The following PAN3 variants were observed in gnomAD, a reference collection of about 807,000 sequenced individuals.
PAN3 encodes the protein poly(A) specific ribonuclease subunit PAN3.
A neutral mutation model predicts 96.2 loss-of-function variants in PAN3; 19 were observed. The observed-to-expected ratio is 0.20, with a 90% CI of 0.14 to 0.29. The LOEUF is 0.29. PAN3 is among the 10% of genes least tolerant of loss of function. The pLI, the probability that PAN3 is intolerant of heterozygous loss-of-function variation, is 1.00. For synonymous variants in PAN3, 433 were observed against 406.6 expected, an observed-to-expected ratio of 1.06 and a Z score of -0.78; for missense variants, 882 against 1,108.1, an observed-to-expected ratio of 0.80 and a Z score of 2.90.
At chr13:28,270,920 C>T in intron 13 of PAN3, 54 bp downstream of exon 13, 1 of 1,487,556 alleles carries the variant, frequency 6.7e-7, no homozygotes, top group African/African-American at 1.4e-5. Context: ...CCTTTGACAG[C>T]TTAGTAAACA....
At chr13:28,263,334 A>T (rs555492921) in intron 9 of PAN3, among the ~76,000 whole-genome samples, 2 of 152,318 alleles carry the variant, frequency 1.3e-5, no homozygotes, top group South Asian at 4.1e-4. Flanking sequence ...TTTTTTAATT[A>T]AAAAAATAAA....
intron 8 of PAN3, 49 bp from the exon 9 acceptor site, chr13:28,261,352 G>C: frequency 7.5e-7 from 1 of 1,341,182 alleles, no homozygotes; most frequent in Non-Finnish European, 1.0e-6. Context: ...AGGAATTCCA[G>C]GTTTCAGAAT....
Position 28,293,722 on chromosome 13 carries a change from G to C in PAN3, c.*1200G>C, listed in dbSNP as rs1870040628. On this transcript the variant is annotated 3_prime_UTR_variant, in exon 19 of 19. Coordinates refer to ENST00000380958, the MANE Select transcript of PAN3 (RefSeq NM_175854.8). The stretch of plus-strand genomic sequence containing the variant: ...CTCCTCTTAACTTTCTTAATATTTG[G>C]ACATGCAGTTGTCGCCAAACTTGGG... The C allele has an allele frequency of 6.6e-6, 1 of 152,440 alleles. No homozygotes were observed. The allele number at this position is 152,440 out of a possible 1,614,324, so 9.4% of individuals were successfully genotyped here.
In PAN3 at chr13:28,154,068, G is replaced by A. The variant is rs760376055; in HGVS notation, c.430+14981G>A. Among the ~76,000 whole-genome samples, 54 of 152,060 alleles carry A rather than the reference G, an allele frequency of 3.6e-4. 1 individual carries two copies. The highest frequency in any genetic ancestry group is 5.9e-4 in the Non-Finnish European group (40 of 68,018). Reference sequence around the variant, plus strand: ...ACTGCTTTATTGGAGGATATTTTTCGGTGAGTATTCAGATTGATGATACTA... The same window carrying A: ...ACTGCTTTATTGGAGGATATTTTTCAGTGAGTATTCAGATTGATGATACTA... On this transcript the variant is annotated intron_variant, in intron 1 of 18. Coordinates refer to ENST00000380958, the MANE Select transcript of PAN3 (RefSeq NM_175854.8).
chr13:28,229,453 A>G (rs1057477618), intron 6 of PAN3, among the ~76,000 whole-genome samples: 1 of 152,210 alleles, frequency 6.6e-6, no homozygotes, highest in Admixed American at 6.5e-5. Context: ...CTCTTGTTCA[A>G]CTATATGTGC....
intron 1 of PAN3, among the ~76,000 whole-genome samples, chr13:28,146,691 A>G (rs766702761): frequency 4.6e-5 from 7 of 152,176 alleles, no homozygotes; most frequent in Admixed American, 2.0e-4. Context: ...TAAAACATTT[A>G]AACAGGCCAG....
intron 6 of PAN3, among the ~76,000 whole-genome samples, chr13:28,254,211 A>T (rs950451011): frequency 1.3e-5 from 2 of 152,122 alleles, no homozygotes; most frequent in Non-Finnish European, 2.9e-5. Flanking sequence ...AATTAAATCA[A>T]CCTGAGTTTG....
At chr13:28,270,669 GA>G in intron 12 of PAN3, 31 bp from the exon 13 acceptor site, 1 of 1,596,396 alleles carries the variant, frequency 6.3e-7, no homozygotes, top group Non-Finnish European at 8.5e-7. Context: ...GATTACTTAA[GA>G]TGTCATTTTT....
intron 5 of PAN3, among the ~76,000 whole-genome samples, chr13:28,198,374 G>A (rs1878320556): frequency 6.6e-6 from 1 of 151,858 alleles, no homozygotes; most frequent in Admixed American, 6.6e-5. Flanking sequence ...TTCATATGTT[G>A]TCTTTTTAAC....
At chr13:28,276,495 C>A (rs1593620992) in intron 14 of PAN3, among the ~76,000 whole-genome samples, 2 of 152,246 alleles carry the variant, frequency 1.3e-5, no homozygotes, top group South Asian at 4.1e-4. Context: ...CTTAATTCAG[C>A]CAGCTGTCTT....
chr13:28,176,368 T>C (rs1874991694), intron 2 of PAN3, 125 bp from the exon 3 acceptor site: 1 of 833,840 alleles, frequency 1.2e-6, no homozygotes. Context: ...ACAGGAAGAT[T>C]AGATTGTCAG....
chr13:28,272,061 C>G lies in PAN3; in HGVS notation c.2039C>G (p.Ala680Gly), dbSNP rs1278450810. 6.4e-7 allele frequency: 1 copy of G among 1,560,758 alleles called. No homozygotes were observed. ...AATAATAATCCATTGGCATTAATGGCCCAGTACCAGGTGAGTAAGAATTAA... is the reference window on the plus strand; with the variant it reads ...AATAATAATCCATTGGCATTAATGGGCCAGTACCAGGTGAGTAAGAATTAA... ...SQNNNPLALM[A>G]QYQQADLISL... The change falls in exon 14 of 19, where the codon GCC becomes GGC. Residue 680 changes from alanine to glycine, a missense_variant. Physicochemically the swap from Ala to Gly is moderately conservative, Grantham distance 60 (BLOSUM62 0). Around this residue, in one of 3 missense-constraint regions of PAN3, gnomAD observed 364 missense variants for 513.6 expected, o/e 0.71. Transcript: ENST00000380958.
At chr13:28,154,651 C>T (rs868746532) in intron 1 of PAN3, among the ~76,000 whole-genome samples, 13 of 151,582 alleles carry the variant, frequency 8.6e-5, no homozygotes, top group African/African-American at 2.4e-4. Context: ...CCCTCCACTA[C>T]GCCCAGCTAA....
At chr13:28,153,391 A>G (rs7338744) in intron 1 of PAN3, among the ~76,000 whole-genome samples, 8,527 of 151,802 alleles carry the variant, frequency 0.056, 311 homozygotes, top group South Asian at 0.15. Flanking sequence ...ACCCACCACC[A>G]TGCCTGGCTA....
intron 5 of PAN3, 133 bp downstream of exon 5, chr13:28,197,479 TCAGAA>T: frequency 1.2e-6 from 1 of 842,260 alleles, no homozygotes; most frequent in Non-Finnish European, 1.7e-6. Context: ...AAATTTTTAA[TCAGAA>T]TAAAGTTAGT....
chr13:28,154,871 A>T (rs1409207819), intron 1 of PAN3, among the ~76,000 whole-genome samples: 1 of 139,912 alleles, frequency 7.1e-6, no homozygotes, highest in African/African-American at 2.7e-5. Context: ...TCCAGGCTGT[A>T]GTGCAGTGGC....
At chr13:28,170,612 A>T (rs901375348) in intron 1 of PAN3, among the ~76,000 whole-genome samples, 1 of 152,196 alleles carries the variant, frequency 6.6e-6, no homozygotes, top group Non-Finnish European at 1.5e-5. Context: ...TTACTCTAGA[A>T]TTGTACTCTA....
chr13:28,216,782 A>G (rs1160778794), intron 5 of PAN3, among the ~76,000 whole-genome samples: 1 of 151,800 alleles, frequency 6.6e-6, no homozygotes, highest in Non-Finnish European at 1.5e-5. Flanking sequence ...ACGTTCCGTT[A>G]TCATTCAACA....
intron 4 of PAN3, among the ~76,000 whole-genome samples, chr13:28,188,784 T>TA (rs1197529397): frequency 6.6e-6 from 1 of 152,204 alleles, no homozygotes; most frequent in African/African-American, 2.4e-5. Context: ...TAATAACATG[T>TA]GACTGATAAT....
Sources: gnomAD v4.1 joint callset for allele counts (sites outside exome capture counted in the v4.1 genomes callset) on GRCh38, gnomAD v4.1.1 for gene constraint, gnomAD v4.1.1 regional missense constraint, MANE v1.5 for transcripts, NCBI Gene and HGNC (gene_info 2026-07-23, HGNC 2026-07-21) for gene names.